Variants in SLC4A5 observed in about 807,000 individuals in gnomAD.
SLC4A5 encodes electrogenic sodium bicarbonate cotransporter 4.
A neutral mutation model predicts 120.4 loss-of-function variants in SLC4A5; 96 were observed. The ratio of observed to expected loss-of-function variants is 0.80; its 90% CI spans 0.68 to 0.94. SLC4A5 has a LOEUF of 0.94. Among genes scored for constraint, SLC4A5 ranks in the 40% least tolerant of loss-of-function variants. SLC4A5 has a pLI of 0.00. For synonymous variants in SLC4A5, 550 were observed against 571.1 expected, an observed-to-expected ratio of 0.96 and a Z score of 0.53; for missense variants, 1,259 against 1,459.5, an observed-to-expected ratio of 0.86 and a Z score of 2.24.
chr2:74,234,953 G>A (rs1051917897), intron 22 of SLC4A5, 148 bp downstream of exon 22: 13 of 629,302 alleles, frequency 2.1e-5, no homozygotes, highest in African/African-American at 2.0e-4. Flanking sequence ...TGGCTCCTGG[G>A]AGCCTGTGTT....
chr2:74,304,638 G>C (rs762744612), exon 7 of SLC4A5: 3 of 1,614,124 alleles, frequency 1.9e-6, no homozygotes, highest in Non-Finnish European at 2.5e-6. Context: ...TTTTCTTTGA[G>C]GGTAAGTGGG....
intron 5 of SLC4A5, among the ~76,000 whole-genome samples, chr2:74,327,754 C>T (rs1351758802): frequency 6.6e-6 from 1 of 152,128 alleles, no homozygotes; most frequent in African/African-American, 2.4e-5. Context: ...GCCAGTCTAA[C>T]ACATTTGACA....
exon 25 of SLC4A5, chr2:74,231,242 G>T: frequency 6.2e-7 from 1 of 1,611,516 alleles, no homozygotes; most frequent in Non-Finnish European, 8.5e-7. Context: ...TCACCTTTAG[G>T]ATGGGAGCCA....
exon 30 of SLC4A5, chr2:74,221,495 C>T (rs748093809): frequency 1.9e-6 from 3 of 1,614,010 alleles, no homozygotes; most frequent in Non-Finnish European, 2.5e-6. Flanking sequence ...ACTGGAAGAT[C>T]TTTTTCCTGG....
chr2:74,315,056 T>TG, intron 5 of SLC4A5, 31 bp from the exon 6 acceptor site: 2 of 1,550,616 alleles, frequency 1.3e-6, no homozygotes, highest in East Asian at 4.5e-5. Context: ...AGCCTCAAAA[T>TG]GTATACATTA....
chr2:74,284,092 C>T (rs1193074655), intron 8 of SLC4A5, among the ~76,000 whole-genome samples: 1 of 151,976 alleles, frequency 6.6e-6, no homozygotes, highest in East Asian at 1.9e-4. Flanking sequence ...AAGCAATCTG[C>T]CTGTCTTGGC....
chr2:74,247,493 G>A (rs979721093), intron 18 of SLC4A5, among the ~76,000 whole-genome samples, 186 bp from the exon 19 acceptor site: 1 of 152,090 alleles, frequency 6.6e-6, no homozygotes, highest in African/African-American at 2.4e-5. Flanking sequence ...ATTTCATGGG[G>A]GTCCAGTGTT....
intron 22 of SLC4A5, 126 bp downstream of exon 22, chr2:74,234,975 G>T: frequency 1.4e-6 from 1 of 714,376 alleles, no homozygotes; most frequent in Non-Finnish European, 2.3e-6. Flanking sequence ...AGGAAAGGTG[G>T]CACACAGAGA....
In SLC4A5 at chr2:74,254,599, A is replaced by G. The variant is rs1304688215; in HGVS notation, c.1113+20T>C. On this transcript the variant is annotated intron_variant, in intron 14 of 30. Transcript: ENST00000394019. ...AGGAGCTGTAAAATTCAGGAGTACA[A>G]GCTTCTGGTTACCACTTACATCATC... 2.5e-6 allele frequency: 4 copies of G among 1,603,836 alleles called. No homozygotes were observed. The highest frequency in any genetic ancestry group is 1.1e-5 in the South Asian group (1 of 90,894).
rs187992010 is a variant in SLC4A5, at chr2:74,245,621, A to C, written c.2059+1415T>G. Among the ~76,000 whole-genome samples, 28 of 152,302 alleles carry C rather than the reference A, an allele frequency of 1.8e-4. 1 individual carries two copies. In the East Asian group the frequency reaches 5.4e-3, roughly 29 times the overall value. On this transcript the variant is annotated intron_variant, in intron 19 of 30. Coordinates refer to ENST00000394019, the Ensembl canonical transcript of SLC4A5. ...ATTAGATTTTAGTGGAATAACTCAA[A>C]ATTAATGACAGAAAAAAAGAAAGAA...
chr2:74,227,434 A>G, intron 26 of SLC4A5: 3 of 1,516,722 alleles, frequency 2.0e-6, no homozygotes, highest in Admixed American at 2.0e-5. Flanking sequence ...CTGGGATTTC[A>G]CAGTAAATAC....
At chr2:74,256,390 C>G (rs931737595) in intron 12 of SLC4A5, among the ~76,000 whole-genome samples, 1 of 152,222 alleles carries the variant, frequency 6.6e-6, no homozygotes. Flanking sequence ...TCAGAGTAAA[C>G]AGGCCTTATT....
intron 6 of SLC4A5, among the ~76,000 whole-genome samples, chr2:74,314,552 T>A (rs1189775433): frequency 2.0e-5 from 3 of 152,226 alleles, no homozygotes; most frequent in African/African-American, 7.2e-5. Flanking sequence ...AGTCAGCAAT[T>A]CTGGAGCAAC....
chr2:74,336,370 A>G (rs1465956855), intron 3 of SLC4A5, among the ~76,000 whole-genome samples: 1 of 152,156 alleles, frequency 6.6e-6, no homozygotes, highest in Non-Finnish European at 1.5e-5. Context: ...CGCCTGGCTG[A>G]GGTCATTATT....
At chr2:74,282,944 C>A (rs1037073674) in intron 8 of SLC4A5, among the ~76,000 whole-genome samples, 1 of 152,206 alleles carries the variant, frequency 6.6e-6, no homozygotes, top group Non-Finnish European at 1.5e-5. Context: ...AGGCCCTGGC[C>A]CCTCAGAGGT....
intron 25 of SLC4A5, 118 bp from the exon 26 acceptor site, chr2:74,227,996 AAC>A: frequency 1.4e-6 from 1 of 696,070 alleles, no homozygotes; most frequent in Non-Finnish European, 2.4e-6. Context: ...TATTTGGGGG[AAC>A]AGAGAGTCAG....
At chr2:74,330,987 T>C (rs1673351974) in intron 4 of SLC4A5, among the ~76,000 whole-genome samples, 1 of 148,606 alleles carries the variant, frequency 6.7e-6, no homozygotes, top group African/African-American at 2.5e-5. Context: ...GAGGTCTAGA[T>C]GGAGGTGGTG....
chr2:74,284,757 T>G (rs188336170), intron 8 of SLC4A5, among the ~76,000 whole-genome samples: 2 of 152,128 alleles, frequency 1.3e-5, no homozygotes, highest in Non-Finnish European at 2.9e-5. Context: ...CCAACCATTC[T>G]TACCCTGCCC....
rs528085049 is a variant in SLC4A5, at chr2:74,330,362, T to C, written c.-69-2176A>G. Among the ~76,000 whole-genome samples, 50 of 121,672 alleles carry C rather than the reference T, an allele frequency of 4.1e-4. No homozygotes were observed. In the South Asian group the frequency reaches 0.013, roughly 33 times the overall value. The allele number at this position is 121,672 out of a possible 152,430, so 79.8% of individuals were successfully genotyped here. A position where few individuals can be genotyped will look rare whatever the true frequency, so the allele number is the denominator to read the frequency against. ...TGGTGGTGAGGTCTAGATGGAGATGTGTGGTTTAGGTGTAGGTGGTGAGAT... is the reference window on the plus strand; with the variant it reads ...TGGTGGTGAGGTCTAGATGGAGATGCGTGGTTTAGGTGTAGGTGGTGAGAT... On this transcript the variant is annotated intron_variant, in intron 4 of 30. Coordinates refer to ENST00000394019, the Ensembl canonical transcript of SLC4A5.
Sources: allele counts gnomAD v4.1 joint callset (sites outside exome capture counted in the v4.1 genomes callset), GRCh38; gene constraint gnomAD v4.1.1; transcripts MANE v1.5; gene names NCBI Gene and HGNC (gene_info 2026-07-23, HGNC 2026-07-21).